Variants in GPAM observed in about 807,000 individuals in gnomAD.
GPAM encodes glycerol-3-phosphate acyltransferase 1, mitochondrial.
Under a neutral mutation model 105.0 loss-of-function variants are expected in GPAM, and 56 were observed. The observed-to-expected ratio is 0.53, with a 90% confidence interval of 0.43 to 0.67. GPAM has a LOEUF of 0.67. Ranked by LOEUF, GPAM falls within the 30% of genes least tolerant of loss-of-function variation. The pLI, the probability that GPAM is intolerant of heterozygous loss-of-function variation, is 0.00. For synonymous variants in GPAM, 368 were observed against 354.4 expected (o/e 1.04, Z -0.43); for missense variants, 855 against 989.8 (o/e 0.86, Z 1.83).
At chr10:112,195,625 T>C (rs939747978) in intron 1 of GPAM, among the ~76,000 whole-genome samples, 1 of 152,240 alleles carries the variant, frequency 6.6e-6, no homozygotes, top group Non-Finnish European at 1.5e-5. Context: ...AAATACTTAA[T>C]TGTAGAATTA....
At chr10:112,218,463 C>T (rs557382087), upstream of GPAM, among the ~76,000 whole-genome samples, 60 of 152,050 alleles carry the variant, frequency 3.9e-4, 3 homozygotes, top group Non-Finnish European at 8.8e-5. Context: ...AAGGGAGATG[C>T]GCTGGGTAGG....
intron 1 of GPAM, among the ~76,000 whole-genome samples, chr10:112,202,005 A>G (rs1013770019): frequency 1.3e-5 from 2 of 152,232 alleles, no homozygotes; most frequent in African/African-American, 2.4e-5. Flanking sequence ...CCCATGGTAC[A>G]GGTTAGGTTT....
chr10:112,159,221 T>TTC (rs1847077444), intron 17 of GPAM, among the ~76,000 whole-genome samples: 1 of 139,954 alleles, frequency 7.1e-6, no homozygotes, highest in Non-Finnish European at 1.6e-5. Context: ...ATTTTCTTTT[T>TTC]TTTTTTTTTT....
In GPAM at chr10:112,150,888, T is replaced by A; in HGVS notation, c.*2662A>T. On this transcript the variant is annotated 3_prime_UTR_variant, in exon 22 of 22. Coordinates refer to ENST00000348367, the MANE Select transcript of GPAM (RefSeq NM_001244949.2). ...CAATTTGGGCTTACATTCATTGTAA[T>A]CCCAGAAATATTTTCTCCATTTACC... 1 of 984,922 alleles carries A rather than the reference T, an allele frequency of 1.0e-6. No individual in the cohort carries two copies. The highest frequency in any genetic ancestry group is 1.2e-6 in the Non-Finnish European group (1 of 829,456). The allele number at this position is 984,922 out of a possible 1,614,324, so 61.0% of individuals were successfully genotyped here. A position where few individuals can be genotyped will look rare whatever the true frequency, so the allele number is the denominator to read the frequency against.
intron 1 of GPAM, among the ~76,000 whole-genome samples, chr10:112,204,249 T>C (rs1167430007): frequency 6.9e-6 from 1 of 145,044 alleles, no homozygotes; most frequent in Non-Finnish European, 1.5e-5. Context: ...AATTTTTTCT[T>C]TGTTCTTTTT....
upstream of GPAM, among the ~76,000 whole-genome samples, chr10:112,219,261 A>C (rs563204899): frequency 6.6e-6 from 1 of 152,304 alleles, no homozygotes; most frequent in East Asian, 1.9e-4. Flanking sequence ...AAAGCTCTCC[A>C]TGGGGGTAGA....
At chr10:112,195,889 G>A (rs1187790722) in intron 1 of GPAM, among the ~76,000 whole-genome samples, 2 of 152,224 alleles carry the variant, frequency 1.3e-5, no homozygotes, top group African/African-American at 4.8e-5. Context: ...GAGTTTGGGG[G>A]CTTGTGACTT....
chr10:112,213,575 G>A (rs1847936352), intron 1 of GPAM, among the ~76,000 whole-genome samples: 1 of 152,146 alleles, frequency 6.6e-6, no homozygotes, highest in East Asian at 1.9e-4. Flanking sequence ...CAGGAAACAA[G>A]CAATCATAAG....
At chr10:112,169,719 C>T (rs540100719) in intron 9 of GPAM, among the ~76,000 whole-genome samples, 2 of 152,304 alleles carry the variant, frequency 1.3e-5, no homozygotes, top group South Asian at 2.1e-4. Context: ...CGGACCAATA[C>T]CGGTCCCCGG....
chr10:112,168,592 T>C (rs1259547105), intron 10 of GPAM, 68 bp from the exon 11 acceptor site: 3 of 1,102,578 alleles, frequency 2.7e-6, no homozygotes, highest in South Asian at 1.3e-5. Flanking sequence ...TCAGAAAAAT[T>C]AAATCTTTAA....
chr10:112,216,103 A>G (rs957378252), upstream of GPAM, among the ~76,000 whole-genome samples: 3 of 152,188 alleles, frequency 2.0e-5, no homozygotes, highest in South Asian at 6.2e-4. Flanking sequence ...TGCAAAGACT[A>G]CATGCATAAA....
chr10:112,214,841 G>A (rs1166577562), intron 1 of GPAM, among the ~76,000 whole-genome samples: 2 of 152,208 alleles, frequency 1.3e-5, no homozygotes, highest in African/African-American at 4.8e-5. Flanking sequence ...TGGGGGTTCT[G>A]AGCCAGGATG....
intron 1 of GPAM, among the ~76,000 whole-genome samples, chr10:112,200,244 T>TAGAGAGAGAGAGAG (rs59715102): frequency 8.1e-6 from 1 of 123,552 alleles, no homozygotes; most frequent in African/African-American, 3.1e-5. Flanking sequence ...TATATATATA[T>TAGAGAGAGAGAGAG]AGAGAGAGAG....
At chr10:112,160,146 A>G (rs1040337960) in intron 16 of GPAM, 93 bp from the exon 17 acceptor site, 3 of 1,203,520 alleles carry the variant, frequency 2.5e-6, no homozygotes, top group Middle Eastern at 1.9e-4. Flanking sequence ...TTATTAATAC[A>G]TCAAAAATAA....
chr10:112,161,790 G>C, intron 14 of GPAM, 53 bp from the exon 15 acceptor site: 1 of 1,358,424 alleles, frequency 7.4e-7, no homozygotes, highest in Non-Finnish European at 1.1e-6. Context: ...AAACATAGCT[G>C]AACTTTTTTG....
In GPAM at chr10:112,152,682, G is replaced by A. The variant is rs1846940750; in HGVS notation, c.*868C>T. 1.0e-6 allele frequency: 1 copy of A among 985,184 alleles called. No homozygotes were observed. The highest frequency in any genetic ancestry group is 1.2e-6 in the Non-Finnish European group (1 of 829,820). The allele number at this position is 985,184 out of a possible 1,614,324, so 61.0% of individuals were successfully genotyped here. A position where few individuals can be genotyped will look rare whatever the true frequency, so the allele number is the denominator to read the frequency against. On this transcript the variant is annotated 3_prime_UTR_variant, in exon 22 of 22. Coordinates refer to ENST00000348367, the MANE Select transcript of GPAM (RefSeq NM_001244949.2). ...GTTGGAGGATTTCCAAGAAACAGCT[G>A]TACCTGTGAGAGGCAGGTATTACCT... is the stretch of plus-strand genomic sequence containing the variant.
At chr10:112,175,169 T>G (rs1473799252) in intron 6 of GPAM, among the ~76,000 whole-genome samples, 8 of 152,200 alleles carry the variant, frequency 5.3e-5, no homozygotes, top group African/African-American at 1.7e-4. Context: ...CTGTTAAGAT[T>G]TCTAGCAATG....
intron 1 of GPAM, among the ~76,000 whole-genome samples, chr10:112,212,510 G>A (rs1847923287): frequency 1.3e-5 from 2 of 152,108 alleles, no homozygotes; most frequent in Admixed American, 6.5e-5. Context: ...TGATCCGCCC[G>A]CATCGACCTC....
the GPAM span, among the ~76,000 whole-genome samples, chr10:112,224,606 C>T: frequency 6.6e-6 from 1 of 152,066 alleles, no homozygotes; most frequent in Non-Finnish European, 1.5e-5. Context: ...CCTCTCTTCT[C>T]CTTGAAGCTG....
Sources: allele counts gnomAD v4.1 joint callset (sites outside exome capture counted in the v4.1 genomes callset), GRCh38; gene constraint gnomAD v4.1.1; transcripts MANE v1.5; gene names NCBI Gene and HGNC (gene_info 2026-07-23, HGNC 2026-07-21).